Variants in MYH11 observed in about 807,000 individuals in gnomAD.
MYH11 encodes the protein myosin-11.
Under a neutral mutation model 246.6 loss-of-function variants are expected in MYH11, and 80 were observed. The ratio of observed to expected loss-of-function variants is 0.32; its 90% CI spans 0.27 to 0.39. The LOEUF (loss-of-function observed/expected upper bound fraction) is 0.39. Ranked by LOEUF, MYH11 falls within the 10% of genes least tolerant of loss-of-function variation. The pLI, the probability that MYH11 is intolerant of heterozygous loss-of-function variation, is 1.00. For missense variants in MYH11, 2,158 were observed against 2,546.8 expected (o/e 0.85, Z 3.29); for synonymous variants, 1,071 against 1,015.5 (o/e 1.05, Z -1.04).
At chr16:15,705,681 T>C (rs1400467958) in intron 40 of MYH11, among the ~76,000 whole-genome samples, 1 of 152,090 alleles carries the variant, frequency 6.6e-6, no homozygotes, top group Non-Finnish European at 1.5e-5. Context: ...ACCAATTCTT[T>C]AGTCAAAAGG....
chr16:15,823,730 ATCC>A (rs1267627054), intron 2 of MYH11, among the ~76,000 whole-genome samples: 4 of 151,978 alleles, frequency 2.6e-5, no homozygotes, highest in African/African-American at 4.8e-5. Flanking sequence ...GACTCAGGTG[ATCC>A]TCCTACCTCA....
chr16:15,782,827 TG>T, intron 5 of MYH11: 1 of 321,352 alleles, frequency 3.1e-6, no homozygotes, highest in East Asian at 7.2e-5. Flanking sequence ...AGTTGTGCAG[TG>T]CACCACCTGT....
chr16:15,811,847 T>G (rs899816631), intron 3 of MYH11, among the ~76,000 whole-genome samples: 2 of 151,980 alleles, frequency 1.3e-5, no homozygotes, highest in African/African-American at 4.8e-5. Context: ...GTGTGGCCAT[T>G]TGTTGCTAAT....
Position 15,715,156 on chromosome 16 carries a change from G to C in MYH11, c.5613+8C>G. 1 of 1,613,354 alleles carries C rather than the reference G, an allele frequency of 6.2e-7. No homozygotes were observed. Among genetic ancestry groups the C allele is most frequent in the Non-Finnish European group, 8.5e-7 (1 of 1,179,988 alleles). On this transcript the variant is annotated splice_region_variant and intron_variant, in intron 39 of 40. Transcript: ENST00000300036. Reference sequence around the variant, plus strand: ...GGGGCTCGAGGGAGGCTGGGTGGCAGGGGCTACCTGCTCCTTGTACTGCTC... The same window carrying C: ...GGGGCTCGAGGGAGGCTGGGTGGCACGGGCTACCTGCTCCTTGTACTGCTC...
chr16:15,829,946 C>T (rs1044570967), intron 2 of MYH11, among the ~76,000 whole-genome samples: 2 of 152,078 alleles, frequency 1.3e-5, no homozygotes, highest in Admixed American at 6.6e-5. Flanking sequence ...ACCAGCCCGG[C>T]CAACACAGTG....
At position 15,738,611 on chromosome 16, in the gene MYH11, A is replaced by G; in HGVS notation, c.3075T>C (p.Leu1025=). 6.2e-7 allele frequency: 1 copy of G among 1,614,070 alleles called. No homozygotes were observed. The change falls in exon 24 of 41, where the codon CTT becomes CTC. Residue 1025 remains leucine, a synonymous_variant. Transcript: ENST00000300036. ...LAEEEEKAKN[L]TKLKNKHESM... Reference sequence around the variant, plus strand: ...ATTCATGCTTGTTTTTCAGCTTGGTAAGATTCTTGGCCTTTTCTTCCTCTT... The same window carrying G: ...ATTCATGCTTGTTTTTCAGCTTGGTGAGATTCTTGGCCTTTTCTTCCTCTT...
intron 40 of MYH11, among the ~76,000 whole-genome samples, chr16:15,706,580 G>A (rs777539330): frequency 6.6e-6 from 1 of 152,038 alleles, no homozygotes; most frequent in East Asian, 1.9e-4. Context: ...GGTGGCAGGC[G>A]CCTGGAATCC....
At position 15,845,233 on chromosome 16, in the gene MYH11, C is replaced by T. The variant is rs564798693; in HGVS notation, c.-17-6964G>A. 8.4e-4 allele frequency among the ~76,000 whole-genome samples: 128 copies of T among 151,840 alleles called. 1 individual carries two copies. Among genetic ancestry groups the T allele is most frequent in the African/African-American group, 3.1e-3 (127 of 41,420 alleles). On this transcript the variant is annotated intron_variant, in intron 1 of 40. Coordinates refer to ENST00000300036, the MANE Select transcript of MYH11 (RefSeq NM_002474.3). ...CCCACAGGCTGCATGGGGCCCAGGA[C>T]GGCTTTGAATGTGGCCCGATACAAA...
chr16:15,717,676 G>T, intron 37 of MYH11: 1 of 420,848 alleles, frequency 2.4e-6, no homozygotes, highest in Non-Finnish European at 4.4e-6. Context: ...CGTGCCTGTA[G>T]TCCCAGCTAC....
chr16:15,780,472 C>T (rs1205330772), intron 6 of MYH11, among the ~76,000 whole-genome samples: 1 of 96,562 alleles, frequency 1.0e-5, no homozygotes, highest in South Asian at 3.7e-4. Context: ...TAGATTTTTA[C>T]GCTTTTTTTT....
At chr16:15,821,276 C>T (rs2043403475) in intron 3 of MYH11, among the ~76,000 whole-genome samples, 1 of 152,142 alleles carries the variant, frequency 6.6e-6, no homozygotes, top group Non-Finnish European at 1.5e-5. Context: ...TTTAAGTGAT[C>T]TTTTTCTGGA....
chr16:15,786,548 T>C (rs1158152222), intron 5 of MYH11, 82 bp downstream of exon 5: 1 of 1,276,496 alleles, frequency 7.8e-7, no homozygotes, highest in Admixed American at 1.7e-5. Flanking sequence ...CTTGCAATGA[T>C]GTTCTGTTTG....
At chr16:15,853,687 G>T (rs896308960) in intron 1 of MYH11, among the ~76,000 whole-genome samples, 4 of 152,146 alleles carry the variant, frequency 2.6e-5, no homozygotes, top group African/African-American at 9.7e-5. Context: ...GGAAGGAGAA[G>T]ACCTAGAGAG....
intron 3 of MYH11, among the ~76,000 whole-genome samples, chr16:15,810,764 AGAT>A (rs2043120938): frequency 6.6e-6 from 1 of 152,214 alleles, no homozygotes; most frequent in African/African-American, 2.4e-5. Context: ...AAGGGCATGA[AGAT>A]GATTGAAAGA....
intron 2 of MYH11, among the ~76,000 whole-genome samples, chr16:15,836,689 C>T (rs572078765): frequency 5.0e-4 from 76 of 150,638 alleles, no homozygotes; most frequent in Non-Finnish European, 1.1e-3. Context: ...TGTGAGCCCA[C>T]GCACCCAGCT....
At chr16:15,802,252 CGTA>C (rs2042905977) in intron 3 of MYH11, among the ~76,000 whole-genome samples, 2 of 152,334 alleles carry the variant, frequency 1.3e-5, no homozygotes, top group Non-Finnish European at 2.9e-5. Flanking sequence ...GCACTGCAGG[CGTA>C]TGCTGAACTT....
intron 3 of MYH11, among the ~76,000 whole-genome samples, chr16:15,818,554 C>A (rs1375387726): frequency 6.6e-6 from 1 of 151,672 alleles, no homozygotes; most frequent in Non-Finnish European, 1.5e-5. Context: ...TGCCTCAGCA[C>A]CCCCTGAGTA....
intron 1 of MYH11, among the ~76,000 whole-genome samples, chr16:15,851,367 G>A (rs1222071236): frequency 6.6e-6 from 1 of 152,068 alleles, no homozygotes; most frequent in African/African-American, 2.4e-5. Flanking sequence ...TTCCTATATA[G>A]ACCATCTCAC....
rs1264628663 is a variant in MYH11, at chr16:15,747,621, G to A, written c.2360C>T (p.Thr787Ile). 1 of 1,614,058 alleles carries A rather than the reference G, an allele frequency of 6.2e-7. No homozygotes were observed. ...CGCCTGGAAGGCCATGATGACATCG[G>A]TGATCTTCAAATCTCGCTCCTCCTC... ...HLEEERDLKI[T>I]DVIMAFQAMC... Residue 787 changes from threonine (T) to isoleucine (I), a missense_variant, in exon 19 of 41, where the codon ACC becomes ATC. Thr to Ile is a moderately conservative substitution (Grantham distance 89, BLOSUM62 -1). Around this residue, in one of 11 missense-constraint regions of MYH11, gnomAD observed 90 missense variants for 144.2 expected, o/e 0.62. Transcript: ENST00000300036.
Sources: gnomAD v4.1 joint callset for allele counts (sites outside exome capture counted in the v4.1 genomes callset) on GRCh38, gnomAD v4.1.1 for gene constraint, gnomAD v4.1.1 regional missense constraint, MANE v1.5 for transcripts, NCBI Gene and HGNC (gene_info 2026-07-23, HGNC 2026-07-21) for gene names.